Variants in RAD51D observed in about 807,000 individuals in gnomAD.
RAD51D encodes the protein DNA repair protein RAD51 homolog 4.
RAD51D carries 38 observed loss-of-function variants against 44.1 expected under a neutral mutation model. The observed-to-expected ratio is 0.86, with a 90% CI of 0.67 to 1.13. RAD51D has a LOEUF of 1.13. RAD51D is among the 50% of genes most tolerant of loss of function. The probability of loss-of-function intolerance (pLI) is 0.00; values close to 1 mark genes in which losing one functional copy is unlikely to be tolerated. For synonymous variants in RAD51D, 141 were observed against 166.6 expected (o/e 0.85, Z 1.18); for missense variants, 390 against 414.0 (o/e 0.94, Z 0.50).
At position 35,093,334 on chromosome 17, in the gene RAD51D, T is replaced by C. The variant is rs2091467749; in HGVS notation, c.*7619A>G. ...AAAGCTAGGACCAAGTTAGTTGAGA[T>C]ATAAAAAATCCTGTTCCTTGACTTT... On this transcript the variant is annotated 3_prime_UTR_variant, in exon 10 of 10. Transcript: ENST00000345365. The C allele has an allele frequency of 2.0e-5, 3 of 152,216 alleles. No homozygotes were observed. Among genetic ancestry groups the C allele is most frequent in the Non-Finnish European group, 2.9e-5 (2 of 68,034 alleles). 9.4% of individuals were successfully genotyped at this position (152,216 alleles called of 1,614,324 possible).
chr17:35,111,812 GA>G lies in RAD51D; in HGVS notation c.264-4366del, dbSNP rs907947180. On this transcript the variant is annotated intron_variant, in intron 3 of 9. Coordinates refer to ENST00000345365, the MANE Select transcript of RAD51D (RefSeq NM_002878.4). Reference sequence around the variant, plus strand: ...TAGAATAAGCTTGTCTATGTCTATAGAAAAAAAAAACTTGCTGGGATTTTAA... The same window carrying G: ...TAGAATAAGCTTGTCTATGTCTATAGAAAAAAAAACTTGCTGGGATTTTAA... Among the ~76,000 whole-genome samples, 15 of 148,462 alleles carry G rather than the reference GA, an allele frequency of 1.0e-4. 1 individual carries two copies. The East Asian group carries it at 1.8e-3, about 17-fold the overall frequency.
chr17:35,117,146 A>AT, intron 3 of RAD51D: 3 of 1,236,396 alleles, frequency 2.4e-6, no homozygotes, highest in Non-Finnish European at 2.3e-6. Flanking sequence ...TATTCACTTG[A>AT]TTTTCCCCTA....
intron 3 of RAD51D, chr17:35,116,773 C>A (rs1453281485): frequency 9.7e-7 from 1 of 1,030,344 alleles, no homozygotes; most frequent in Admixed American, 2.0e-5. Context: ...TGATCACAGG[C>A]GTGAGCCACT....
chr17:35,118,996 C>T (rs908689857), intron 2 of RAD51D, 115 bp downstream of exon 2: 4 of 965,070 alleles, frequency 4.1e-6, no homozygotes, highest in African/African-American at 3.2e-5. Context: ...GTGACCCACC[C>T]GCCTCGGCCT....
chr17:35,095,685 C>G lies in RAD51D; in HGVS notation c.*5268G>C, dbSNP rs1567722589. The stretch of plus-strand genomic sequence containing the variant: ...CAGGCGCCTGTAGTCGTAGTCCCAG[C>G]TACTCAGGAGGCTGAGGCAGGAGAA... On this transcript the variant is annotated 3_prime_UTR_variant, in exon 10 of 10. Transcript: ENST00000345365. 1 of 152,026 alleles carries G rather than the reference C, an allele frequency of 6.6e-6. No homozygotes were observed. Among genetic ancestry groups the G allele is most frequent in the Non-Finnish European group, 1.5e-5 (1 of 68,120 alleles). The allele number at this position is 152,026 out of a possible 1,614,324, so 9.4% of individuals were successfully genotyped here. A position where few individuals can be genotyped will look rare whatever the true frequency, so the allele number is the denominator to read the frequency against.
intron 3 of RAD51D, among the ~76,000 whole-genome samples, chr17:35,108,706 A>G (rs2091640334): frequency 6.6e-6 from 1 of 151,918 alleles, no homozygotes; most frequent in Non-Finnish European, 1.5e-5. Context: ...TTCCATCACT[A>G]TAAGTCTTCC....
intron 3 of RAD51D, chr17:35,113,529 A>C (rs1201005081): frequency 2.4e-6 from 1 of 423,896 alleles, no homozygotes; most frequent in African/African-American, 2.1e-5. Flanking sequence ...TTGGCCTCCC[A>C]AAGTGCTGGG....
chr17:35,098,712 G>A lies in RAD51D; in HGVS notation c.*2241C>T, dbSNP rs1450084296. ...TGAGCCACCACACCCAGCCAATGTG[G>A]GAATTAAAAAAAAAAGAGTCCTAGG... On this transcript the variant is annotated 3_prime_UTR_variant, in exon 10 of 10. Transcript: ENST00000345365. 2 of 151,604 alleles carry A rather than the reference G, an allele frequency of 1.3e-5. No individual in the cohort carries two copies. The highest frequency in any genetic ancestry group is 1.9e-4 in the East Asian group (1 of 5,182). 9.4% of individuals were successfully genotyped at this position (151,604 alleles called of 1,614,324 possible).
chr17:35,116,135 T>C (rs550223664), intron 3 of RAD51D, among the ~76,000 whole-genome samples: 2 of 151,446 alleles, frequency 1.3e-5, no homozygotes, highest in South Asian at 4.2e-4. Context: ...TTCTTCACAA[T>C]ACATTCCTCC....
chr17:35,101,165 C>A (rs2142410506), intron 9 of RAD51D, 36 bp downstream of exon 9: 1 of 1,614,046 alleles, frequency 6.2e-7, no homozygotes, highest in South Asian at 1.1e-5. Context: ...CCCTCCAGGG[C>A]CCAAGATTAC....
intron 6 of RAD51D, among the ~76,000 whole-genome samples, chr17:35,105,263 C>T (rs960256203): frequency 6.6e-6 from 1 of 152,160 alleles, no homozygotes; most frequent in Admixed American, 6.5e-5. Context: ...TGGGTCATAA[C>T]CAGCTATGAC....
At chr17:35,117,160 C>T (rs531108163) in intron 3 of RAD51D, 3 of 1,082,790 alleles carry the variant, frequency 2.8e-6, no homozygotes, top group East Asian at 2.4e-5. Flanking sequence ...TCCCCTACAC[C>T]CAACTAGAGG....
chr17:35,108,765 G>A (rs1009371380), intron 3 of RAD51D, among the ~76,000 whole-genome samples: 9 of 151,698 alleles, frequency 5.9e-5, no homozygotes, highest in East Asian at 1.9e-4. Context: ...CCCTAATCCC[G>A]AATCCCTGGC....
intron 6 of RAD51D, 182 bp downstream of exon 6, chr17:35,106,204 C>A: frequency 1.3e-6 from 1 of 741,014 alleles, no homozygotes; most frequent in Non-Finnish European, 2.5e-6. Flanking sequence ...GGAAGATGAA[C>A]ATGTAAACAA....
rs772167525 is a variant in RAD51D, at chr17:35,093,150, G to A, written c.*7803C>T. 1.1e-4 allele frequency: 17 copies of A among 151,722 alleles called. No individual in the cohort carries two copies. The highest frequency in any genetic ancestry group is 1.9e-4 in the Non-Finnish European group (13 of 67,978). 9.4% of individuals were successfully genotyped at this position (151,722 alleles called of 1,614,324 possible). A position where few individuals can be genotyped will look rare whatever the true frequency, so the allele number is the denominator to read the frequency against. ...GCTTATTCATAATATGAGATTGAGT[G>A]CCTATATCATGCCTGGAAAACTATT... On this transcript the variant is annotated 3_prime_UTR_variant, in exon 10 of 10. Transcript: ENST00000345365.
At chr17:35,115,287 C>T (rs759318524) in intron 3 of RAD51D, 28 of 518,152 alleles carry the variant, frequency 5.4e-5, no homozygotes, top group South Asian at 3.8e-4. Context: ...CCTCATATTT[C>T]CTGACAGTCT....
chr17:35,117,385 C>T (rs2091762834), intron 3 of RAD51D, among the ~76,000 whole-genome samples: 1 of 152,210 alleles, frequency 6.6e-6, no homozygotes, highest in Non-Finnish European at 1.5e-5. Context: ...AGTTATTCAT[C>T]AATTTCTGAA....
chr17:35,119,213 G>A (rs908324669), intron 1 of RAD51D, 41 bp from the exon 2 acceptor site: 10 of 1,561,470 alleles, frequency 6.4e-6, no homozygotes, highest in Non-Finnish European at 8.8e-6. Context: ...AGAGAGGACT[G>A]GGGCCTCCCA....
At chr17:35,116,854 T>G in intron 3 of RAD51D, 1 of 1,514,484 alleles carries the variant, frequency 6.6e-7, no homozygotes, top group Non-Finnish European at 9.0e-7. Flanking sequence ...AATGAAATAA[T>G]GTACCGTGAA....
Sources: allele counts gnomAD v4.1 joint callset (sites outside exome capture counted in the v4.1 genomes callset), GRCh38; gene constraint gnomAD v4.1.1; transcripts MANE v1.5; gene names NCBI Gene and HGNC (gene_info 2026-07-23, HGNC 2026-07-21).